The following FGFR2 variants were observed in gnomAD, a reference collection of about 807,000 sequenced individuals.
FGFR2 encodes fibroblast growth factor receptor 2.
In FGFR2, 19 loss-of-function variants were observed where a neutral mutation model predicts 95.9. The ratio of observed to expected loss-of-function variants is 0.20; its 90% CI spans 0.14 to 0.29. The LOEUF (loss-of-function observed/expected upper bound fraction) is 0.29. Ranked by LOEUF, FGFR2 falls within the 10% of genes least tolerant of loss-of-function variation. The pLI is 1.00. For missense variants in FGFR2, 707 were observed against 1,056.9 expected, an observed-to-expected ratio of 0.67 and a Z score of 4.59; for synonymous variants, 392 against 393.3, an observed-to-expected ratio of 1.00 and a Z score of 0.04.
intron 2 of FGFR2, among the ~76,000 whole-genome samples, chr10:121,592,157 G>A (rs996754289): frequency 5.3e-5 from 8 of 152,090 alleles, no homozygotes; most frequent in South Asian, 2.1e-4. Flanking sequence ...AGTTTTTGCC[G>A]AGCCACGCAC....
rs748410602 is a variant in FGFR2 at position 121,564,602 on chromosome 10, C to T, written c.377-23G>A. 18 of 1,607,698 alleles carry T rather than the reference C, an allele frequency of 1.1e-5. No homozygotes were observed. In the Admixed American group the frequency reaches 3.0e-4, roughly 27 times the overall value. On this transcript the variant is annotated intron_variant, in intron 3 of 17. Coordinates refer to ENST00000358487, the MANE Select transcript of FGFR2 (RefSeq NM_000141.5). ...CATCTGTATGCAAAAGAACATATTC[C>T]ATGGATGTGTTTTTTGCAAAGCAAA...
chr10:121,561,337 T>C (rs1856927186), intron 4 of FGFR2, among the ~76,000 whole-genome samples: 1 of 151,554 alleles, frequency 6.6e-6, no homozygotes, highest in African/African-American at 2.4e-5. Context: ...GGCAGGAGAA[T>C]TGCTTGAACC....
intron 2 of FGFR2, among the ~76,000 whole-genome samples, chr10:121,583,053 T>C (rs4752571): frequency 0.38 from 57,456 of 152,056 alleles, 10,982 homozygotes; most frequent in Middle Eastern, 0.43. Context: ...GGACACCCTT[T>C]CTGGCCAAGA....
Position 121,593,973 on chromosome 10 carries a change from G to T in FGFR2, c.-150-6C>A. 1.4e-6 allele frequency: 1 copy of T among 732,488 alleles called. No homozygotes were observed. Among genetic ancestry groups the T allele is most frequent in the Non-Finnish European group, 2.5e-6 (1 of 406,954 alleles). The allele number at this position is 732,488 out of a possible 1,614,324, so 45.4% of individuals were successfully genotyped here. On this transcript the variant is annotated splice_polypyrimidine_tract_variant and splice_region_variant and intron_variant, in intron 1 of 17. Transcript: ENST00000358487. Reference sequence around the variant, plus strand: ...TGCCGCTGCTGCTGCAGTCACTAAAGGAAAGAGATTGGCGAGTCAGGGAAT... The same window carrying T: ...TGCCGCTGCTGCTGCAGTCACTAAATGAAAGAGATTGGCGAGTCAGGGAAT...
chr10:121,598,205 T>C lies in FGFR2; in HGVS notation c.-394A>G. On this transcript the variant is annotated 5_prime_UTR_variant, in exon 1 of 18. Transcript: ENST00000358487. ...ACGAGAGGAAGAAAGGACTCAGGCT[T>C]GGCGTTGCCTCCACCAAACTTTGCT... 2.5e-6 allele frequency: 1 copy of C among 397,698 alleles called. No homozygotes were observed. 24.6% of individuals were successfully genotyped at this position (397,698 alleles called of 1,614,324 possible).
chr10:121,499,915 T>C lies in FGFR2; in HGVS notation c.1561+911A>G, dbSNP rs577086129. Among the ~76,000 whole-genome samples the C allele has an allele frequency of 9.8e-5, 15 of 152,328 alleles. No homozygotes were observed. In the South Asian group the frequency reaches 1.7e-3, roughly 17 times the overall value. ...ATCTTGTTGACAAAGTCCAGCCTGC[T>C]ACTTCCCCTTGGGAGGGATGTGATG... is the stretch of plus-strand genomic sequence containing the variant. On this transcript the variant is annotated intron_variant, in intron 11 of 17. Transcript: ENST00000358487.
intron 16 of FGFR2, among the ~76,000 whole-genome samples, chr10:121,484,361 G>C (rs1216572209): frequency 6.6e-6 from 1 of 152,122 alleles, no homozygotes; most frequent in Non-Finnish European, 1.5e-5. Flanking sequence ...TTAACTCTTA[G>C]ATAGGCTTAG....
chr10:121,520,360 G>A (rs1041885128), intron 6 of FGFR2, among the ~76,000 whole-genome samples, 191 bp from the exon 7 acceptor site: 1 of 152,158 alleles, frequency 6.6e-6, no homozygotes, highest in Non-Finnish European at 1.5e-5. Flanking sequence ...GCCGGAGCGC[G>A]ACCCTTGTAA....
chr10:121,551,586 ATATT>A, intron 4 of FGFR2, 127 bp from the exon 5 acceptor site: 2 of 885,170 alleles, frequency 2.3e-6, no homozygotes, highest in Non-Finnish European at 3.5e-6. Context: ...TCTTTGGGTA[ATATT>A]TACATTTGGA....
At chr10:121,503,087 T>A (rs1182435787) in intron 10 of FGFR2, among the ~76,000 whole-genome samples, 1 of 152,192 alleles carries the variant, frequency 6.6e-6, no homozygotes, top group Non-Finnish European at 1.5e-5. Context: ...TTTCAGAGAA[T>A]CAGGTGCCTC....
intron 11 of FGFR2, among the ~76,000 whole-genome samples, chr10:121,498,839 C>T (rs1159478720): frequency 1.3e-5 from 2 of 152,178 alleles, no homozygotes; most frequent in African/African-American, 4.8e-5. Context: ...AGAGTCAGGA[C>T]GAGAGCAGGG....
chr10:121,570,226 T>TA (rs1172193007), intron 2 of FGFR2, among the ~76,000 whole-genome samples: 1 of 152,244 alleles, frequency 6.6e-6, no homozygotes, highest in African/African-American at 2.4e-5. Flanking sequence ...CCACAGGGCT[T>TA]AGCTTCTCTT....
intron 9 of FGFR2, among the ~76,000 whole-genome samples, chr10:121,504,846 C>A (rs1410022572): frequency 6.6e-6 from 1 of 151,856 alleles, no homozygotes; most frequent in Non-Finnish European, 1.5e-5. Context: ...AAAAGACTCA[C>A]ACAGAGCACA....
chr10:121,509,822 C>T (rs1408107422), intron 9 of FGFR2, among the ~76,000 whole-genome samples: 4 of 151,844 alleles, frequency 2.6e-5, no homozygotes, highest in Admixed American at 2.6e-4. Flanking sequence ...AATTTACCAT[C>T]TAGAGGGGAT....
rs538322858 is a variant in FGFR2 at position 121,556,038 on chromosome 10, G to A, written c.455-4579C>T. Among the ~76,000 whole-genome samples, 4 of 152,274 alleles carry A rather than the reference G, an allele frequency of 2.6e-5. No individual in the cohort carries two copies. The East Asian group carries it at 7.7e-4, about 29-fold the overall frequency. ...CTCCTTCTGATGCTGACCAACAACA[G>A]TAGGGCACCTGGAGGGTACAGCTGG... On this transcript the variant is annotated intron_variant, in intron 4 of 17. Transcript: ENST00000358487.
chr10:121,593,624 G>A, intron 2 of FGFR2, 85 bp downstream of exon 2: 1 of 1,171,254 alleles, frequency 8.5e-7, no homozygotes. Flanking sequence ...ACAATGCAAG[G>A]GTAGCTGATT....
rs868805964 is a variant in FGFR2, at chr10:121,533,772, A to G, written c.748+4820T>C. ...GAAGAAGTCCGCTTGGAGAGCAAGGAGCATTCATACAGATAGGCGTGGAGA... is the reference window on the plus strand; with the variant it reads ...GAAGAAGTCCGCTTGGAGAGCAAGGGGCATTCATACAGATAGGCGTGGAGA... On this transcript the variant is annotated intron_variant, in intron 6 of 17. Coordinates refer to ENST00000358487, the MANE Select transcript of FGFR2 (RefSeq NM_000141.5). 1.2e-4 allele frequency among the ~76,000 whole-genome samples: 18 copies of G among 152,318 alleles called. No homozygotes were observed. The Middle Eastern group carries it at 0.01, about 86-fold the overall frequency.
chr10:121,565,330 T>C, intron 3 of FGFR2, 108 bp downstream of exon 3: 1 of 1,409,004 alleles, frequency 7.1e-7, no homozygotes, highest in Non-Finnish European at 9.9e-7. Flanking sequence ...TATGAAGCTG[T>C]ATGCCTGGCA....
At chr10:121,513,466 T>C (rs888031156) in intron 9 of FGFR2, among the ~76,000 whole-genome samples, 6 of 152,162 alleles carry the variant, frequency 3.9e-5, no homozygotes, top group Admixed American at 2.0e-4. Context: ...AAGAAAAGCA[T>C]TTTAACAGTT....
Sources: allele counts gnomAD v4.1 joint callset (sites outside exome capture counted in the v4.1 genomes callset), GRCh38; gene constraint gnomAD v4.1.1; transcripts MANE v1.5; gene names NCBI Gene and HGNC (gene_info 2026-07-23, HGNC 2026-07-21).